COL5A2: variants seen among roughly 807,000 people sequenced by gnomAD.
The protein encoded by COL5A2 is collagen type V alpha 2 chain.
A neutral mutation model predicts 208.2 loss-of-function variants in COL5A2; 23 were observed. That is an observed-to-expected ratio of 0.11 (90% CI 0.08 to 0.16). The LOEUF (loss-of-function observed/expected upper bound fraction) is 0.16, where lower values mean the gene tolerates loss of function less well. COL5A2 is among the 10% of genes least tolerant of loss of function. The pLI is 1.00. For synonymous variants in COL5A2, 625 were observed against 628.5 expected (o/e 0.99, Z 0.08); for missense variants, 1,590 against 1,956.4 (o/e 0.81, Z 3.53).
intron 1 of COL5A2, among the ~76,000 whole-genome samples, chr2:189,143,686 T>G (rs538311574): frequency 1.6e-4 from 24 of 152,272 alleles, no homozygotes; most frequent in Non-Finnish European, 3.2e-4. Flanking sequence ...CATGAAACTT[T>G]TAAACAAATA....
the COL5A2 span, among the ~76,000 whole-genome samples, chr2:189,259,695 T>C: frequency 6.6e-6 from 1 of 152,174 alleles, no homozygotes; most frequent in African/African-American, 2.4e-5. Context: ...ACCCATTAAG[T>C]AGACACAGAT....
chr2:189,195,931 G>A (rs1327370518), intron 1 of COL5A2, among the ~76,000 whole-genome samples: 2 of 152,098 alleles, frequency 1.3e-5, no homozygotes. Context: ...AAAAACAATT[G>A]CGACAAAAGC....
At chr2:189,412,426 C>T in the COL5A2 span, among the ~76,000 whole-genome samples, 3 of 152,070 alleles carry the variant, frequency 2.0e-5, no homozygotes, top group African/African-American at 7.2e-5. Flanking sequence ...TATAACATTC[C>T]ACTAAGTTTA....
chr2:189,328,421 C>G, the COL5A2 span, among the ~76,000 whole-genome samples: 1 of 152,186 alleles, frequency 6.6e-6, no homozygotes, highest in Admixed American at 6.5e-5. Flanking sequence ...GAAGTCCCAG[C>G]AGGCAGCACC....
intron 34 of COL5A2, 109 bp downstream of exon 34, chr2:189,057,211 T>G: frequency 9.9e-7 from 1 of 1,009,920 alleles, no homozygotes; most frequent in Non-Finnish European, 1.5e-6. Flanking sequence ...AATGAATGAC[T>G]AGTGACTCAG....
chr2:189,312,245 C>T, the COL5A2 span, among the ~76,000 whole-genome samples: 2 of 152,194 alleles, frequency 1.3e-5, no homozygotes, highest in Non-Finnish European at 2.9e-5. Flanking sequence ...CCAGGCTCCT[C>T]ACTCTGTCCA....
intron 1 of COL5A2, among the ~76,000 whole-genome samples, chr2:189,194,280 A>G (rs1487278123): frequency 6.6e-6 from 1 of 152,210 alleles, no homozygotes; most frequent in African/African-American, 2.4e-5. Flanking sequence ...TTTCAAGTTT[A>G]CCAAAGTAGC....
chr2:189,344,444 T>C, the COL5A2 span, among the ~76,000 whole-genome samples: 253 of 152,218 alleles, frequency 1.7e-3, 1 homozygote, highest in African/African-American at 5.6e-3. Context: ...TCCTGTTCAA[T>C]AGCAATGAGG....
chr2:189,078,482 T>C, intron 16 of COL5A2, 34 bp downstream of exon 16: 1 of 1,534,988 alleles, frequency 6.5e-7, no homozygotes, highest in Non-Finnish European at 9.0e-7. Context: ...GAAATACACA[T>C]CTCAGCAGTA....
At chr2:189,130,272 C>A (rs1370197760) in intron 1 of COL5A2, among the ~76,000 whole-genome samples, 1 of 152,074 alleles carries the variant, frequency 6.6e-6, no homozygotes, top group African/African-American at 2.4e-5. Flanking sequence ...TCCTTTTAGT[C>A]ACTGAGATAT....
At chr2:189,354,896 TG>T in the COL5A2 span, among the ~76,000 whole-genome samples, 1 of 152,232 alleles carries the variant, frequency 6.6e-6, no homozygotes, top group Non-Finnish European at 1.5e-5. Flanking sequence ...AGATCTTTCC[TG>T]CTTTCTCTTG....
intron 1 of COL5A2, among the ~76,000 whole-genome samples, chr2:189,161,929 A>G (rs1288169891): frequency 6.6e-6 from 1 of 152,224 alleles, no homozygotes; most frequent in African/African-American, 2.4e-5. Context: ...AAAGGTTTCA[A>G]AGAGGATGCA....
the COL5A2 span, among the ~76,000 whole-genome samples, chr2:189,334,938 G>A: frequency 6.6e-6 from 1 of 151,714 alleles, no homozygotes; most frequent in African/African-American, 2.4e-5. Context: ...ATGATCAACT[G>A]GTTTTTTGAA....
rs1386081744 is a variant in COL5A2 at position 189,045,190 on chromosome 2, G to A, written c.3352C>T (p.Arg1118Cys). ...PIGPPGRAGK[R>C]GLPGPQGPRG... Reference sequence around the variant, plus strand: ...AAAAGAGAACTTACAGGTAATCCACGTTTCCCAGCTCGACCAGGTGGTCCT... The same window carrying A: ...AAAAGAGAACTTACAGGTAATCCACATTTCCCAGCTCGACCAGGTGGTCCT... The change falls in exon 47 of 54, where the codon CGT becomes TGT. Residue 1118 changes from arginine to cysteine, a missense_variant. Arg to Cys is a radical substitution (Grantham distance 180). Coordinates refer to ENST00000374866, the MANE Select transcript of COL5A2 (RefSeq NM_000393.5). 4 of 1,601,952 alleles carry A rather than the reference G, an allele frequency of 2.5e-6. No individual in the cohort carries two copies. The highest frequency in any genetic ancestry group is 3.4e-6 in the Non-Finnish European group (4 of 1,174,374).
chr2:189,233,066 A>C, the COL5A2 span, among the ~76,000 whole-genome samples: 1 of 151,796 alleles, frequency 6.6e-6, no homozygotes, highest in African/African-American at 2.4e-5. Flanking sequence ...TAGTATACTT[A>C]GTTTTCTATT....
the COL5A2 span, among the ~76,000 whole-genome samples, chr2:189,349,588 A>G: frequency 2.0e-5 from 3 of 152,198 alleles, no homozygotes; most frequent in East Asian, 5.8e-4. Context: ...ATTCCTGTTG[A>G]AAAATATTTT....
the COL5A2 span, among the ~76,000 whole-genome samples, chr2:189,433,621 G>A: frequency 6.6e-6 from 1 of 152,122 alleles, no homozygotes; most frequent in Non-Finnish European, 1.5e-5. Flanking sequence ...ACCCTCCCAA[G>A]ACTAAACCAG....
chr2:189,193,101 T>C (rs925124015), intron 1 of COL5A2, among the ~76,000 whole-genome samples: 3 of 152,262 alleles, frequency 2.0e-5, no homozygotes, highest in Non-Finnish European at 4.4e-5. Flanking sequence ...CTTGGATTTC[T>C]CAGCCTCAAG....
the COL5A2 span, among the ~76,000 whole-genome samples, chr2:189,272,670 A>T: frequency 6.6e-6 from 1 of 152,110 alleles, no homozygotes; most frequent in Non-Finnish European, 1.5e-5. Flanking sequence ...TTTTTTTAAA[A>T]AAAATCTCAA....
Sources: allele counts gnomAD v4.1 joint callset (sites outside exome capture counted in the v4.1 genomes callset), GRCh38; gene constraint gnomAD v4.1.1; transcripts MANE v1.5; gene names NCBI Gene and HGNC (gene_info 2026-07-23, HGNC 2026-07-21).